The following CATSPERB variants were observed in gnomAD, a reference collection of about 807,000 sequenced individuals.
CATSPERB encodes the protein cation channel sperm-associated auxiliary subunit beta.
In CATSPERB, 93 loss-of-function variants were observed where a neutral mutation model predicts 128.3. The observed-to-expected ratio is 0.72, with a 90% CI of 0.61 to 0.86. The LOEUF (loss-of-function observed/expected upper bound fraction) is 0.86. CATSPERB is among the 40% of genes least tolerant of loss of function. The pLI is 0.00. For missense variants in CATSPERB, 1,153 were observed against 1,329.5 expected (o/e 0.87, Z 2.06); for synonymous variants, 381 against 448.8 (o/e 0.85, Z 1.91).
At chr14:91,599,561 G>A (rs907466719) in intron 22 of CATSPERB, among the ~76,000 whole-genome samples, 207 of 89,128 alleles carry the variant, frequency 2.3e-3, no homozygotes, top group Middle Eastern at 0.012. Flanking sequence ...AAAAAAAAAA[G>A]AAAGTTTATT....
intron 22 of CATSPERB, among the ~76,000 whole-genome samples, chr14:91,605,485 T>G (rs1893684244): frequency 6.6e-6 from 1 of 152,198 alleles, no homozygotes; most frequent in South Asian, 2.1e-4. Context: ...AACCATCATG[T>G]TACTTTCTTG....
intron 6 of CATSPERB, among the ~76,000 whole-genome samples, chr14:91,706,479 A>G (rs1895734962): frequency 1.3e-5 from 2 of 152,188 alleles, no homozygotes; most frequent in South Asian, 2.1e-4. Flanking sequence ...GAACTGATTA[A>G]AAGTTTTGAC....
intron 15 of CATSPERB, among the ~76,000 whole-genome samples, chr14:91,649,697 CA>C (rs1466232750): frequency 2.7e-5 from 3 of 111,960 alleles, no homozygotes; most frequent in African/African-American, 7.0e-5. Context: ...TAAAGGATTC[CA>C]AAAAAATTCC....
At chr14:91,674,530 G>A (rs1175032794) in intron 11 of CATSPERB, among the ~76,000 whole-genome samples, 4 of 151,984 alleles carry the variant, frequency 2.6e-5, no homozygotes, top group Non-Finnish European at 5.9e-5. Context: ...TTTATTTTAT[G>A]TCATTTTATT....
chr14:91,674,971 G>A (rs565858243), intron 11 of CATSPERB, among the ~76,000 whole-genome samples: 5 of 152,332 alleles, frequency 3.3e-5, no homozygotes, highest in Non-Finnish European at 5.9e-5. Context: ...TTTTAAAGGC[G>A]TGAGCCTGGC....
intron 22 of CATSPERB, among the ~76,000 whole-genome samples, chr14:91,605,899 G>A (rs1465082262): frequency 6.6e-6 from 1 of 152,200 alleles, no homozygotes; most frequent in Non-Finnish European, 1.5e-5. Flanking sequence ...ATTTCAGCTG[G>A]GCGCTGTGGC....
intron 15 of CATSPERB, among the ~76,000 whole-genome samples, chr14:91,648,332 G>A (rs1894642292): frequency 6.6e-6 from 1 of 152,054 alleles, no homozygotes; most frequent in Admixed American, 6.6e-5. Flanking sequence ...TGGAAAACTG[G>A]GTTCAGTTTA....
chr14:91,676,097 G>C (rs1485920320), intron 11 of CATSPERB, among the ~76,000 whole-genome samples: 1 of 152,050 alleles, frequency 6.6e-6, no homozygotes, highest in Non-Finnish European at 1.5e-5. Flanking sequence ...GATTAAGGTT[G>C]ATGTGTTAAA....
In CATSPERB at chr14:91,630,082, A is replaced by G. The variant is rs533249766; in HGVS notation, c.1743-5075T>C. Among the ~76,000 whole-genome samples, 55 of 152,374 alleles carry G rather than the reference A, an allele frequency of 3.6e-4. 1 individual carries two copies. Among genetic ancestry groups the G allele is most frequent in the African/African-American group, 1.3e-3 (54 of 41,594 alleles). ...GTTTTCATCAAGGTTACTACAGCCT[A>G]GAATGGTGCCAAATTCAAAGGTCAC... is the stretch of plus-strand genomic sequence containing the variant. On this transcript the variant is annotated intron_variant, in intron 17 of 26. Coordinates refer to ENST00000256343, the MANE Select transcript of CATSPERB (RefSeq NM_024764.4).
rs1893199708 is a variant in CATSPERB, at chr14:91,581,065, G to C, written c.3175C>G (p.Leu1059Val). ...EAPLPFPGHT[L>V]IAVATAVVLG... Reference sequence around the variant, plus strand: ...ACTACCGCTGTTGCCACGGCAATAAGCGTGTGTCCTGGGAATGGCAATGGT... The same window carrying C: ...ACTACCGCTGTTGCCACGGCAATAACCGTGTGTCCTGGGAATGGCAATGGT... Residue 1059 changes from leucine (L) to valine (V), a missense_variant, in exon 27 of 27, where the codon CTT becomes GTT. By Grantham distance (32) the Leu-to-Val change is conservative (BLOSUM62 1). Transcript: ENST00000256343. 6.2e-7 allele frequency: 1 copy of C among 1,614,212 alleles called. No individual in the cohort carries two copies. The highest frequency in any genetic ancestry group is 8.5e-7 in the Non-Finnish European group (1 of 1,180,022).
intron 17 of CATSPERB, among the ~76,000 whole-genome samples, chr14:91,630,842 T>C (rs2139797037): frequency 6.6e-6 from 1 of 152,254 alleles, no homozygotes; most frequent in East Asian, 1.9e-4. Context: ...AAGAAGAAAA[T>C]TTACACTCTT....
chr14:91,621,532 T>C, intron 19 of CATSPERB, 76 bp downstream of exon 19: 1 of 1,167,146 alleles, frequency 8.6e-7, no homozygotes, highest in Non-Finnish European at 1.2e-6. Flanking sequence ...AGTCAGTCAG[T>C]ATCAAAGAGT....
At chr14:91,731,677 CAGTT>C (rs1382341811) in intron 1 of CATSPERB, among the ~76,000 whole-genome samples, 1 of 152,174 alleles carries the variant, frequency 6.6e-6, no homozygotes, top group African/African-American at 2.4e-5. Context: ...ACCTACTTAG[CAGTT>C]AAATTACCCC....
At chr14:91,595,306 A>G (rs1296296846) in intron 22 of CATSPERB, among the ~76,000 whole-genome samples, 1 of 150,528 alleles carries the variant, frequency 6.6e-6, no homozygotes, top group Non-Finnish European at 1.5e-5. Context: ...TTATTTATTT[A>G]TTTATTTATT....
At chr14:91,592,177 TTA>T (rs1179854235) in intron 22 of CATSPERB, 175 bp from the exon 23 acceptor site, 1 of 607,210 alleles carries the variant, frequency 1.6e-6, no homozygotes, top group African/African-American at 1.9e-5. Flanking sequence ...TTTCTGAATT[TTA>T]GTTGCCCCCT....
chr14:91,690,677 A>T (rs1234300749), intron 10 of CATSPERB, among the ~76,000 whole-genome samples: 1 of 152,234 alleles, frequency 6.6e-6, no homozygotes, highest in Non-Finnish European at 1.5e-5. Flanking sequence ...GATTAGTATG[A>T]CAATTAGTCA....
At position 91,693,071 on chromosome 14, in the gene CATSPERB, T is replaced by C. The variant is rs1242622568; in HGVS notation, c.831+55A>G. On this transcript the variant is annotated intron_variant, in intron 9 of 26. Transcript: ENST00000256343. ...TAACTCAAGTATTAAATATTTCTTT[T>C]TGTGTCACAGAAGATATTTAAGATT... The C allele has an allele frequency of 3.4e-6, 4 of 1,181,192 alleles. No homozygotes were observed. The East Asian group carries it at 9.4e-5, about 28-fold the overall frequency. 73.2% of individuals were successfully genotyped at this position (1,181,192 alleles called of 1,614,324 possible). A position where few individuals can be genotyped will look rare whatever the true frequency, so the allele number is the denominator to read the frequency against.
Position 91,614,268 on chromosome 14 carries a change from C to T in CATSPERB, c.2400+3329G>A, listed in dbSNP as rs182223120. On this transcript the variant is annotated intron_variant, in intron 20 of 26. Coordinates refer to ENST00000256343, the MANE Select transcript of CATSPERB (RefSeq NM_024764.4). ...GTCACACAATACCAGAAGTGAGAGC[C>T]AATCCAGGTAGTCTTCTCTAGGGCT... Among the ~76,000 whole-genome samples the T allele has an allele frequency of 2.1e-5, 3 of 145,412 alleles. No homozygotes were observed. The Admixed American group carries it at 2.2e-4, about 11-fold the overall frequency.
chr14:91,586,571 A>AGAGAAAGAGAG (rs374162982), intron 26 of CATSPERB, among the ~76,000 whole-genome samples: 3,593 of 114,112 alleles, frequency 0.031, 203 homozygotes, highest in Admixed American at 0.12. Flanking sequence ...GAGAGAGAGA[A>AGAGAAAGAGAG]AGAGAGAGAG....
Sources: gnomAD v4.1 joint callset for allele counts (sites outside exome capture counted in the v4.1 genomes callset) on GRCh38, gnomAD v4.1.1 for gene constraint, MANE v1.5 for transcripts, NCBI Gene and HGNC (gene_info 2026-07-23, HGNC 2026-07-21) for gene names.